Variants in ZFYVE27 observed in about 807,000 individuals in gnomAD.
The protein encoded by ZFYVE27 is zinc finger FYVE-type containing 27.
ZFYVE27 carries 36 observed loss-of-function variants against 52.8 expected under a neutral mutation model. That is an observed-to-expected ratio of 0.68 (90% CI 0.52 to 0.90). The LOEUF is 0.90. Ranked by LOEUF, ZFYVE27 falls within the 40% of genes least tolerant of loss-of-function variation. ZFYVE27 has a pLI of 0.00. For synonymous variants in ZFYVE27, 223 were observed against 215.6 expected (o/e 1.03, Z -0.30); for missense variants, 450 against 527.2 (o/e 0.85, Z 1.43).
intron 2 of ZFYVE27, among the ~76,000 whole-genome samples, chr10:97,742,854 C>T (rs1279580355): frequency 6.6e-6 from 1 of 152,216 alleles, no homozygotes; most frequent in African/African-American, 2.4e-5. Flanking sequence ...ATAAATTCTT[C>T]TTCCTTTTGG....
intron 2 of ZFYVE27, among the ~76,000 whole-genome samples, chr10:97,741,258 C>G (rs915061950): frequency 3.3e-5 from 5 of 152,182 alleles, no homozygotes; most frequent in African/African-American, 1.2e-4. Flanking sequence ...AATCCCATTA[C>G]TGGGTATATA....
In ZFYVE27 at chr10:97,753,070, G is replaced by A. The variant is rs2047419470; in HGVS notation, c.930G>A (p.Glu310=). Residue 310 remains glutamate, a synonymous_variant, in exon 10 of 13, where the codon GAG becomes GAA. Transcript: ENST00000684270. ...ATGAGGGCGCCCCGTGCCCAGCAGA[G>A]GATGAGCTGGCCCTGCAGGACAACG... ...EDDEGAPCPA[E]DELALQDNGF... 1 of 1,611,822 alleles carries A rather than the reference G, an allele frequency of 6.2e-7. No homozygotes were observed. Among genetic ancestry groups the A allele is most frequent in the Admixed American group, 1.7e-5 (1 of 59,638 alleles).
chr10:97,744,753 T>C lies in ZFYVE27; in HGVS notation c.293T>C (p.Leu98Pro). ...GGTGCATGGTACTCAGTAGGTGCCC[T>C]GATGATTTCAGTGCCCGCCCTGCTG... ...NEGAWYSVGA[L>P]MISVPALLGY... The change falls in exon 4 of 13, where the codon CTG becomes CCG. Residue 98 changes from leucine to proline, a missense_variant. Physicochemically the swap from Leu to Pro is moderately conservative, Grantham distance 98. Coordinates refer to ENST00000684270, the MANE Select transcript of ZFYVE27 (RefSeq NM_001385875.1). The C allele has an allele frequency of 6.2e-7, 1 of 1,613,916 alleles. No homozygotes were observed. The highest frequency in any genetic ancestry group is 8.5e-7 in the Non-Finnish European group (1 of 1,180,024).
intron 4 of ZFYVE27, among the ~76,000 whole-genome samples, chr10:97,745,561 C>G (rs2045061673): frequency 6.6e-6 from 1 of 152,178 alleles, no homozygotes; most frequent in Non-Finnish European, 1.5e-5. Context: ...CAAATCCCAG[C>G]TCTTCCATTT....
chr10:97,752,953 G>T (rs561518250), intron 9 of ZFYVE27, 76 bp downstream of exon 9: 30 of 1,613,170 alleles, frequency 1.9e-5, no homozygotes, highest in Middle Eastern at 3.4e-4. Flanking sequence ...CACACCTCGT[G>T]GGGGCTGCCG....
intron 12 of ZFYVE27, 89 bp from the exon 13 acceptor site, chr10:97,759,147 T>G: frequency 1.4e-6 from 2 of 1,439,644 alleles, no homozygotes; most frequent in Non-Finnish European, 2.0e-6. Flanking sequence ...GGGGTCTGTG[T>G]GGGGCATTTG....
chr10:97,757,492 G>T, intron 11 of ZFYVE27, 150 bp from the exon 12 acceptor site: 1 of 1,219,270 alleles, frequency 8.2e-7, no homozygotes. Flanking sequence ...TCCCCAGGGG[G>T]TATTCCATTT....
At chr10:97,753,632 A>G (rs1337845971) in intron 10 of ZFYVE27, among the ~76,000 whole-genome samples, 1 of 152,176 alleles carries the variant, frequency 6.6e-6, no homozygotes, top group Non-Finnish European at 1.5e-5. Flanking sequence ...AAGGGGGATC[A>G]TCATTCTTAC....
rs1459768122 is a variant in ZFYVE27, at chr10:97,760,285, TC to T, written c.*988del. 1.3e-5 allele frequency: 2 copies of T among 152,116 alleles called. No homozygotes were observed. The highest frequency in any genetic ancestry group is 4.8e-5 in the African/African-American group (2 of 41,396). The allele number at this position is 152,116 out of a possible 1,614,324, so 9.4% of individuals were successfully genotyped here. ...GCTGGGTCCTGGATTCCAGGGCTAT[TC>T]CCTGGAGGACAGTCTCAGTTATGGG... is the stretch of plus-strand genomic sequence containing the variant. On this transcript the variant is annotated 3_prime_UTR_variant, in exon 13 of 13. Coordinates refer to ENST00000684270, the MANE Select transcript of ZFYVE27 (RefSeq NM_001385875.1).
At chr10:97,738,325 T>A (rs1792619633) in intron 1 of ZFYVE27, among the ~76,000 whole-genome samples, 152 bp from the exon 2 acceptor site, 1 of 152,206 alleles carries the variant, frequency 6.6e-6, no homozygotes, top group Non-Finnish European at 1.5e-5. Flanking sequence ...AAAAGAGCAT[T>A]GGATGGAGAG....
intron 12 of ZFYVE27, 134 bp downstream of exon 12, chr10:97,757,857 A>T: frequency 5.1e-6 from 4 of 786,194 alleles, no homozygotes; most frequent in Non-Finnish European, 8.5e-6. Context: ...CGTTTCCTCC[A>T]TCCCCTTTAG....
At chr10:97,745,587 T>C (rs931625475) in intron 4 of ZFYVE27, among the ~76,000 whole-genome samples, 4 of 152,216 alleles carry the variant, frequency 2.6e-5, no homozygotes, top group African/African-American at 9.7e-5. Flanking sequence ...CTGTGTAACA[T>C]TGGGCAAGTT....
chr10:97,750,352 C>A lies in ZFYVE27; in HGVS notation c.686C>A (p.Ser229Tyr), dbSNP rs1437013930. The A allele has an allele frequency of 6.2e-7, 1 of 1,614,162 alleles. No individual in the cohort carries two copies. The highest frequency in any genetic ancestry group is 1.1e-5 in the South Asian group (1 of 91,086). ...FFRVVSEYRA[S>Y]LQQRMNPKQE... ...GTAGTTGTGTCTGAGTACAGGGCAT[C>A]TCTGCAGCAGAGGATGAACCCAAAG... The change falls in exon 7 of 13, where the codon TCT becomes TAT. Residue 229 changes from serine (S) to tyrosine (Y), a missense_variant. Ser to Tyr is a moderately radical substitution (Grantham distance 144). Transcript: ENST00000684270.
chr10:97,743,240 T>A, intron 3 of ZFYVE27, 76 bp downstream of exon 3: 1 of 1,494,292 alleles, frequency 6.7e-7, no homozygotes, highest in South Asian at 1.1e-5. Flanking sequence ...AGCCCCACCC[T>A]ATGTGTGGGA....
At position 97,750,574 on chromosome 10, in the gene ZFYVE27, A is replaced by G. The variant is rs10786372; in HGVS notation, c.804+104A>G. The G allele has an allele frequency of 0.7, 1,048,269 of 1,492,262 alleles. 371,679 individuals are homozygous for G. Among genetic ancestry groups the G allele is most frequent in the Non-Finnish European group, 0.73 (796,725 of 1,098,698 alleles). 92.4% of individuals were successfully genotyped at this position (1,492,262 alleles called of 1,614,324 possible). ...GCTGGCCTCTGTTGTAGTTCCTGCT[A>G]TTTCCCAGGCCTTAACTCCCCTGAA... On this transcript the variant is annotated intron_variant, in intron 7 of 12. Coordinates refer to ENST00000684270, the MANE Select transcript of ZFYVE27 (RefSeq NM_001385875.1).
intron 10 of ZFYVE27, 27 bp downstream of exon 10, chr10:97,753,209 G>A: frequency 6.2e-7 from 1 of 1,602,672 alleles, no homozygotes; most frequent in Non-Finnish European, 8.5e-7. Context: ...GGGCTGGGCT[G>A]GTGGGGGAGT....
At chr10:97,741,264 A>G (rs2043548814) in intron 2 of ZFYVE27, among the ~76,000 whole-genome samples, 2 of 152,368 alleles carry the variant, frequency 1.3e-5, no homozygotes, top group South Asian at 2.1e-4. Context: ...ATTACTGGGT[A>G]TATATCCAAA....
intron 2 of ZFYVE27, among the ~76,000 whole-genome samples, chr10:97,742,395 A>C (rs1011770075): frequency 2.0e-5 from 3 of 151,986 alleles, no homozygotes; most frequent in Non-Finnish European, 2.9e-5. Flanking sequence ...GGGCTTCTGC[A>C]TTGCCATTTG....
intron 10 of ZFYVE27, among the ~76,000 whole-genome samples, chr10:97,755,822 A>G (rs917284048): frequency 6.6e-6 from 1 of 151,986 alleles, no homozygotes; most frequent in African/African-American, 2.4e-5. Context: ...GGCAGGCCCC[A>G]CTGGGCCTTA....
Sources: allele counts gnomAD v4.1 joint callset (sites outside exome capture counted in the v4.1 genomes callset), GRCh38; gene constraint gnomAD v4.1.1; transcripts MANE v1.5; gene names NCBI Gene and HGNC (gene_info 2026-07-23, HGNC 2026-07-21).